The following HTR2C variants were observed in gnomAD, a reference collection of about 807,000 sequenced individuals.
HTR2C encodes 5-hydroxytryptamine (serotonin) receptor 2C, G protein-coupled.
In HTR2C, 5 loss-of-function variants were observed where a neutral mutation model predicts 21.0. The observed-to-expected ratio is 0.24, with a 90% CI of 0.12 to 0.50. The LOEUF (loss-of-function observed/expected upper bound fraction) is 0.50. Among genes scored for constraint, HTR2C ranks in the 20% least tolerant of loss-of-function variants. HTR2C has a pLI of 0.98. For missense variants in HTR2C, 271 were observed against 371.2 expected (o/e 0.73, Z 2.22); for synonymous variants, 150 against 145.3 (o/e 1.03, Z -0.23).
At chrX:114,593,144 T>C (rs1927700274) in intron 1 of HTR2C, among the ~76,000 whole-genome samples, 1 of 112,436 alleles carries the variant, frequency 8.9e-6, no homozygotes, top group Non-Finnish European at 1.9e-5. Context: ...CTGGCCATAT[T>C]TTAAAAAGTC....
At chrX:114,829,955 G>A (rs782188610) in intron 4 of HTR2C, among the ~76,000 whole-genome samples, 21 of 110,780 alleles carry the variant, frequency 1.9e-4, no homozygotes, top group African/African-American at 6.6e-4. Flanking sequence ...TTGGCTATTC[G>A]AGATCCCTTA....
chrX:114,701,564 A>C (rs1234853705), intron 2 of HTR2C, among the ~76,000 whole-genome samples: 1 of 111,218 alleles, frequency 9.0e-6, no homozygotes. Context: ...CCATCTGTAC[A>C]TCACCATCAT....
At chrX:114,807,190 C>CGCCATATATAT (rs1403034035) in intron 4 of HTR2C, among the ~76,000 whole-genome samples, 7 of 574 alleles carry the variant, frequency 0.012, no homozygotes, top group African/African-American at 0.014. Flanking sequence ...TGTATATATA[C>CGCCATATATAT]ACCATATATA....
Position 114,741,014 on chromosome X carries a change from C to T in HTR2C, c.349+9407C>T, listed in dbSNP as rs193254244. On this transcript the variant is annotated intron_variant, in intron 4 of 5. Coordinates refer to ENST00000276198, the MANE Select transcript of HTR2C (RefSeq NM_000868.4). ...TCATTGGACTAATATTCATGATATC[C>T]GTGTAAATTCATAGTGGTAGTAGGT... is the stretch of plus-strand genomic sequence containing the variant. Among the ~76,000 whole-genome samples the T allele has an allele frequency of 4.8e-3, 538 of 110,965 alleles. 4 individuals carry two copies. Among genetic ancestry groups the T allele is most frequent in the African/African-American group, 0.016 (503 of 30,567 alleles).
intron 4 of HTR2C, among the ~76,000 whole-genome samples, chrX:114,807,276 ATATATACACCATATATATACCATG>A (rs1569496228): frequency 6.7e-5 from 7 of 105,182 alleles, no homozygotes; most frequent in Non-Finnish European, 1.2e-4. Flanking sequence ...TATACCATGT[ATATATACACCATATATATACCATG>A]TATATACACC....
chrX:114,657,634 T>C (rs1930830222), intron 2 of HTR2C, among the ~76,000 whole-genome samples: 1 of 111,728 alleles, frequency 9.0e-6, no homozygotes, highest in Admixed American at 9.5e-5. Flanking sequence ...AATTTGTTCC[T>C]ATACTTCATG....
intron 2 of HTR2C, among the ~76,000 whole-genome samples, chrX:114,708,102 A>G (rs1332445522): frequency 1.8e-5 from 2 of 111,532 alleles, no homozygotes; most frequent in African/African-American, 6.5e-5. Context: ...AATGTTAACT[A>G]TTTTCATTAC....
intron 4 of HTR2C, among the ~76,000 whole-genome samples, chrX:114,814,559 G>A: frequency 9.3e-6 from 1 of 107,885 alleles, no homozygotes; most frequent in East Asian, 2.9e-4. Flanking sequence ...AAGAAAATAG[G>A]GTGATATTAG....
intron 4 of HTR2C, among the ~76,000 whole-genome samples, chrX:114,794,533 C>A (rs1159446811): frequency 1.5e-5 from 1 of 64,713 alleles, no homozygotes; most frequent in Non-Finnish European, 2.7e-5. Flanking sequence ...CCCCTCCCCC[C>A]ACCCCACAAC....
chrX:114,774,289 A>G (rs1225090295), intron 4 of HTR2C, among the ~76,000 whole-genome samples: 1 of 111,910 alleles, frequency 8.9e-6, no homozygotes, highest in East Asian at 2.8e-4. Context: ...GAGGAGGTAC[A>G]TGTCTCCCTA....
At chrX:114,739,978 G>A (rs149223206) in intron 4 of HTR2C, among the ~76,000 whole-genome samples, 2,283 of 108,991 alleles carry the variant, frequency 0.021, 73 homozygotes, top group African/African-American at 0.073. Context: ...GGGTGGTGGC[G>A]GGCACCTGTA....
chrX:114,756,511 G>T (rs1277967735), intron 4 of HTR2C, among the ~76,000 whole-genome samples: 1 of 112,177 alleles, frequency 8.9e-6, no homozygotes, highest in Non-Finnish European at 1.9e-5. Context: ...AAAAAGGAAT[G>T]AACTATTGAT....
Position 114,660,064 on chromosome X carries a change from T to C in HTR2C, c.-80+46183T>C, listed in dbSNP as rs1930929685. Among the ~76,000 whole-genome samples the C allele has an allele frequency of 3.6e-5, 4 of 112,215 alleles. No homozygotes were observed. The Admixed American group carries it at 3.8e-4, about 11-fold the overall frequency. On this transcript the variant is annotated intron_variant, in intron 2 of 5. Coordinates refer to ENST00000276198, the MANE Select transcript of HTR2C (RefSeq NM_000868.4). The stretch of plus-strand genomic sequence containing the variant: ...TATAGATAAGAAGTGAATTTACACA[T>C]GTAGTAAAATCGGTGTATCTATTTA...
Position 114,909,076 on chromosome X carries a change from C to G in HTR2C, c.*1661C>G, listed in dbSNP as rs2071396389. On this transcript the variant is annotated 3_prime_UTR_variant, in exon 6 of 6. Transcript: ENST00000276198. ...ACACAGTATAGATAAATCCAATAGT[C>G]TGCCACAAGGGCAGTGGAAGAGCTG... 1 of 112,405 alleles carries G rather than the reference C, an allele frequency of 8.9e-6. No homozygotes were observed. Among genetic ancestry groups the G allele is most frequent in the African/African-American group, 3.2e-5 (1 of 30,865 alleles). The allele number at this position is 112,405 out of a possible 1,213,427, so 9.3% of individuals were successfully genotyped here. A position where few individuals can be genotyped will look rare whatever the true frequency, so the allele number is the denominator to read the frequency against.
At chrX:114,703,247 C>A in intron 2 of HTR2C, among the ~76,000 whole-genome samples, 1 of 107,242 alleles carries the variant, frequency 9.3e-6, no homozygotes, top group Non-Finnish European at 1.9e-5. Context: ...CCCAAATCAA[C>A]AGAATATACA....
chrX:114,658,845 G>A (rs1259628178), intron 2 of HTR2C, among the ~76,000 whole-genome samples: 5 of 111,632 alleles, frequency 4.5e-5, no homozygotes, highest in African/African-American at 1.6e-4. Context: ...GCTAAAATAA[G>A]GGGGGCAAAA....
At chrX:114,680,667 T>C (rs1395957377) in intron 2 of HTR2C, among the ~76,000 whole-genome samples, 1 of 111,523 alleles carries the variant, frequency 9.0e-6, no homozygotes, top group Non-Finnish European at 1.9e-5. Context: ...AAGGAAGATA[T>C]CTTTCACATG....
At chrX:114,623,892 C>T (rs1049745256) in intron 2 of HTR2C, among the ~76,000 whole-genome samples, 231 of 84,345 alleles carry the variant, frequency 2.7e-3, no homozygotes, top group African/African-American at 9.1e-3. Flanking sequence ...CAAGTTGTCT[C>T]TTTTTTTGTT....
At chrX:114,802,888 C>T (rs1170821536) in intron 4 of HTR2C, among the ~76,000 whole-genome samples, 1 of 62,828 alleles carries the variant, frequency 1.6e-5, no homozygotes, top group Non-Finnish European at 2.9e-5. Flanking sequence ...CCCCTCCCCC[C>T]ACCCCACAAC....
Sources: allele counts gnomAD v4.1 joint callset (sites outside exome capture counted in the v4.1 genomes callset), GRCh38; gene constraint gnomAD v4.1.1; transcripts MANE v1.5; gene names NCBI Gene and HGNC (gene_info 2026-07-23, HGNC 2026-07-21).